The following CES5A variants were observed in gnomAD, a reference collection of about 807,000 sequenced individuals.
CES5A encodes carboxylesterase 5A.
In CES5A, 67 loss-of-function variants were observed where a neutral mutation model predicts 62.9. The observed-to-expected ratio is 1.07, with a 90% CI of 0.88 to 1.31. The LOEUF (loss-of-function observed/expected upper bound fraction) is 1.31, where lower values mean the gene tolerates loss of function less well. Ranked by LOEUF, CES5A falls within the 50% of genes most tolerant of loss-of-function variation. The probability of loss-of-function intolerance (pLI) is 0.00; values close to 1 mark genes in which losing one functional copy is unlikely to be tolerated. For synonymous variants in CES5A, 296 were observed against 280.8 expected (o/e 1.05, Z -0.54); for missense variants, 748 against 708.5 (o/e 1.06, Z -0.63).
chr16:55,949,880 A>G, exon 2 of CES5A: 1 of 1,514,656 alleles, frequency 6.6e-7, no homozygotes, highest in Non-Finnish European at 8.8e-7. Context: ...CAATCTCCAC[A>G]TTCCCCTTCT....
chr16:55,871,161 G>A (rs530489907), intron 3 of CES5A, among the ~76,000 whole-genome samples: 91 of 152,302 alleles, frequency 6.0e-4, no homozygotes, highest in Non-Finnish European at 1.1e-3. Flanking sequence ...AGAGGGTGTG[G>A]CTAAAACATA....
chr16:55,855,310 G>A (rs764645057), intron 9 of CES5A, among the ~76,000 whole-genome samples: 20 of 152,220 alleles, frequency 1.3e-4, no homozygotes, highest in Non-Finnish European at 2.5e-4. Context: ...GGAAAAAGAG[G>A]AAGATGGAAA....
At chr16:55,886,969 A>C (rs2033822772) in intron 1 of CES5A, among the ~76,000 whole-genome samples, 1 of 152,162 alleles carries the variant, frequency 6.6e-6, no homozygotes, top group Non-Finnish European at 1.5e-5. Flanking sequence ...CATATGCTGC[A>C]TCCACTGGAA....
intron 1 of CES5A, among the ~76,000 whole-genome samples, chr16:55,902,486 AC>A (rs1253558740): frequency 1.3e-5 from 2 of 152,182 alleles, no homozygotes; most frequent in Non-Finnish European, 2.9e-5. Context: ...AACCATCAGG[AC>A]TGACATCCTA....
At chr16:55,922,992 T>G (rs2034223477) in intron 1 of CES5A, among the ~76,000 whole-genome samples, 1 of 150,716 alleles carries the variant, frequency 6.6e-6, no homozygotes, top group South Asian at 2.1e-4. Flanking sequence ...TTGAAAAAAA[T>G]GAAAATGAAA....
intron 1 of CES5A, among the ~76,000 whole-genome samples, chr16:55,907,684 C>T (rs564863183): frequency 6.6e-6 from 1 of 152,250 alleles, no homozygotes; most frequent in African/African-American, 2.4e-5. Flanking sequence ...AGAGGGCACC[C>T]TCATTATTCT....
At chr16:55,904,780 C>T (rs1369455762) in intron 1 of CES5A, among the ~76,000 whole-genome samples, 16 of 152,142 alleles carry the variant, frequency 1.1e-4, no homozygotes, top group Admixed American at 9.8e-4. Context: ...AGCATAATGG[C>T]ACCAGACACT....
At chr16:55,893,854 G>A (rs533009750) in intron 1 of CES5A, among the ~76,000 whole-genome samples, 3 of 152,120 alleles carry the variant, frequency 2.0e-5, no homozygotes, top group Admixed American at 2.0e-4. Flanking sequence ...ACATCAAACT[G>A]CATATCTGAG....
rs1555484114 is a variant in CES5A, at chr16:55,894,511, A to AAAG, written c.-255-20475_-255-20474insCTT. On this transcript the variant is annotated intron_variant, in intron 1 of 12. Transcript: ENST00000518005. Reference sequence around the variant, plus strand: ...AAAACTCTGTCTCAAAAAAAAAAAAAAAAAGAAAAGAAAAGAAAAGAAATA... The same window carrying AAAG: ...AAAACTCTGTCTCAAAAAAAAAAAAAAAGAAAAGAAAAGAAAAGAAAAGAAATA... Among the ~76,000 whole-genome samples, 126 of 150,840 alleles carry AAAG rather than the reference A, an allele frequency of 8.4e-4. 2 individuals are homozygous for AAAG. Among genetic ancestry groups the AAAG allele is most frequent in the Admixed American group, 4.7e-3 (71 of 15,108 alleles).
chr16:55,861,006 G>C (rs1168930857), intron 7 of CES5A, among the ~76,000 whole-genome samples: 1 of 152,166 alleles, frequency 6.6e-6, no homozygotes, highest in Non-Finnish European at 1.5e-5. Context: ...TTCTAAAGGA[G>C]CCCAGTCCTT....
intron 3 of CES5A, 120 bp from the exon 4 acceptor site, chr16:55,869,864 A>G: frequency 7.3e-7 from 1 of 1,374,860 alleles, no homozygotes; most frequent in Non-Finnish European, 9.7e-7. Flanking sequence ...GCAGGGTGCG[A>G]GGTTTTGTCA....
At chr16:55,916,876 CA>C (rs2034152887) in intron 1 of CES5A, among the ~76,000 whole-genome samples, 1 of 152,228 alleles carries the variant, frequency 6.6e-6, no homozygotes, top group African/African-American at 2.4e-5. Flanking sequence ...GGTTGCCAAT[CA>C]ACTCCCTGTG....
intron 10 of CES5A, among the ~76,000 whole-genome samples, chr16:55,852,356 T>A (rs1354215064): frequency 2.0e-5 from 3 of 152,246 alleles, no homozygotes; most frequent in African/African-American, 7.2e-5. Flanking sequence ...ATGATTTCCA[T>A]CCTTTTACAT....
At chr16:55,881,713 G>A (rs1327108162) in intron 1 of CES5A, among the ~76,000 whole-genome samples, 2 of 152,200 alleles carry the variant, frequency 1.3e-5, no homozygotes, top group African/African-American at 2.4e-5. Flanking sequence ...AATGTTTCCT[G>A]AGAGTGACAG....
At chr16:55,912,694 C>G (rs2034107217) in intron 1 of CES5A, among the ~76,000 whole-genome samples, 1 of 152,126 alleles carries the variant, frequency 6.6e-6, no homozygotes, top group African/African-American at 2.4e-5. Flanking sequence ...TAGTGTTCAA[C>G]AGCAAATCCT....
At chr16:55,862,841 T>C (rs2033380576) in intron 6 of CES5A, among the ~76,000 whole-genome samples, 1 of 152,204 alleles carries the variant, frequency 6.6e-6, no homozygotes, top group Admixed American at 6.5e-5. Context: ...AGAGAGATCC[T>C]GGTCTCTAGG....
At chr16:55,900,315 A>G (rs1365003134) in intron 1 of CES5A, among the ~76,000 whole-genome samples, 3 of 152,204 alleles carry the variant, frequency 2.0e-5, no homozygotes, top group Non-Finnish European at 4.4e-5. Flanking sequence ...AATGGGAACA[A>G]AAGAACCTTA....
chr16:55,920,184 A>T (rs1047394916), intron 1 of CES5A, among the ~76,000 whole-genome samples: 3 of 152,190 alleles, frequency 2.0e-5, no homozygotes. Context: ...GGACTCTCAC[A>T]TCCACGATGC....
chr16:55,871,782 A>G lies in CES5A; in HGVS notation c.279-19T>C. ...GAGGCACCTTGGAGAAGGAGAGGAG[A>G]AAACCCTCAGAAAAAGTTATCAGCA... is the stretch of plus-strand genomic sequence containing the variant. On this transcript the variant is annotated intron_variant, in intron 2 of 12. Transcript: ENST00000290567. 1 of 1,612,118 alleles carries G rather than the reference A, an allele frequency of 6.2e-7. No homozygotes were observed. The highest frequency in any genetic ancestry group is 8.5e-7 in the Non-Finnish European group (1 of 1,178,480).
Sources: allele counts gnomAD v4.1 joint callset (sites outside exome capture counted in the v4.1 genomes callset), GRCh38; gene constraint gnomAD v4.1.1; transcripts MANE v1.5; gene names NCBI Gene and HGNC (gene_info 2026-07-23, HGNC 2026-07-21).